Variants in GMDS observed in about 807,000 individuals in gnomAD.
GMDS encodes the protein GDP-mannose 4,6-dehydratase, also known as GDP-mannose 4,6 dehydratase.
A neutral mutation model predicts 49.9 loss-of-function variants in GMDS; 20 were observed. The observed-to-expected ratio is 0.40, with a 90% CI of 0.28 to 0.58. GMDS has a LOEUF of 0.58. Ranked by LOEUF, GMDS falls within the 20% of genes least tolerant of loss-of-function variation. The pLI is 0.42. For missense variants in GMDS, 362 were observed against 481.4 expected (o/e 0.75, Z 2.32); for synonymous variants, 177 against 178.6 (o/e 0.99, Z 0.07).
intron 4 of GMDS, among the ~76,000 whole-genome samples, chr6:2,103,546 T>G (rs1171945059): frequency 6.6e-6 from 1 of 152,184 alleles, no homozygotes; most frequent in Non-Finnish European, 1.5e-5. Flanking sequence ...CTAGTGGCAT[T>G]AAGAAGCCCT....
At chr6:1,733,441 C>CT (rs1766892220) in intron 8 of GMDS, among the ~76,000 whole-genome samples, 1 of 152,098 alleles carries the variant, frequency 6.6e-6, no homozygotes. Flanking sequence ...TTTGGCAGAA[C>CT]AGGGGGAGAG....
intron 4 of GMDS, among the ~76,000 whole-genome samples, chr6:2,091,736 A>T (rs1773319488): frequency 6.6e-6 from 1 of 151,964 alleles, no homozygotes; most frequent in South Asian, 2.1e-4. Flanking sequence ...TCTGCAAAGA[A>T]AAAAATTTTT....
intron 7 of GMDS, among the ~76,000 whole-genome samples, chr6:1,868,149 G>A (rs1758532519): frequency 6.6e-6 from 1 of 152,060 alleles, no homozygotes; most frequent in South Asian, 2.1e-4. Flanking sequence ...AGCACGCCTG[G>A]CTAATTTTTA....
intron 1 of GMDS, among the ~76,000 whole-genome samples, chr6:2,217,056 C>T (rs1465587434): frequency 6.6e-6 from 1 of 152,180 alleles, no homozygotes; most frequent in Non-Finnish European, 1.5e-5. Context: ...GCCCACCTGG[C>T]CTGAGCGCTC....
chr6:2,229,462 T>G (rs1780979570), intron 1 of GMDS, among the ~76,000 whole-genome samples: 1 of 150,674 alleles, frequency 6.6e-6, no homozygotes, highest in Admixed American at 6.6e-5. Flanking sequence ...GGCACACACC[T>G]GTGATCCTAG....
chr6:1,906,549 G>C (rs1344077885), intron 7 of GMDS, among the ~76,000 whole-genome samples: 2 of 152,130 alleles, frequency 1.3e-5, no homozygotes, highest in Non-Finnish European at 2.9e-5. Flanking sequence ...TGCACTCACT[G>C]ATTTTAGAAA....
chr6:1,732,429 C>G (rs1416952365), intron 8 of GMDS, among the ~76,000 whole-genome samples: 1 of 152,156 alleles, frequency 6.6e-6, no homozygotes, highest in African/African-American at 2.4e-5. Flanking sequence ...ATTGACTTGA[C>G]TCCAAAATTA....
At chr6:2,022,711 T>C (rs1463978360) in intron 4 of GMDS, among the ~76,000 whole-genome samples, 2 of 152,196 alleles carry the variant, frequency 1.3e-5, no homozygotes, top group African/African-American at 2.4e-5. Flanking sequence ...TTTCATTCTA[T>C]TGACTGCATA....
At chr6:1,963,761 C>G (rs1482818651) in intron 4 of GMDS, among the ~76,000 whole-genome samples, 1 of 152,122 alleles carries the variant, frequency 6.6e-6, no homozygotes, top group Non-Finnish European at 1.5e-5. Context: ...GGCTCTGGGA[C>G]CACTGGTAGT....
At chr6:2,002,666 A>T (rs750403885) in intron 4 of GMDS, among the ~76,000 whole-genome samples, 12 of 152,332 alleles carry the variant, frequency 7.9e-5, no homozygotes, top group Non-Finnish European at 1.2e-4. Flanking sequence ...TTCAAACCAC[A>T]TCAGAGATAA....
chr6:1,655,583 A>G (rs909036455), intron 9 of GMDS, among the ~76,000 whole-genome samples: 2 of 150,388 alleles, frequency 1.3e-5, no homozygotes, highest in African/African-American at 4.9e-5. Context: ...GGCTCTCTGC[A>G]GCCTCCGCCT....
At chr6:1,963,822 C>A (rs1013532760) in intron 4 of GMDS, among the ~76,000 whole-genome samples, 1 of 152,190 alleles carries the variant, frequency 6.6e-6, no homozygotes, top group Non-Finnish European at 1.5e-5. Flanking sequence ...GTTTCCTCAC[C>A]ACAGCAGGGC....
intron 7 of GMDS, among the ~76,000 whole-genome samples, chr6:1,874,579 C>G (rs1394841385): frequency 6.6e-6 from 1 of 152,120 alleles, no homozygotes; most frequent in African/African-American, 2.4e-5. Flanking sequence ...CTGTCGTTAT[C>G]CTGAGTATGC....
At chr6:1,980,262 A>C (rs974236698) in intron 4 of GMDS, among the ~76,000 whole-genome samples, 5 of 152,214 alleles carry the variant, frequency 3.3e-5, no homozygotes, top group Non-Finnish European at 7.3e-5. Flanking sequence ...CTGGATAAAA[A>C]AACAAGACCC....
chr6:1,834,215 T>C (rs1401136102), intron 7 of GMDS, among the ~76,000 whole-genome samples: 2 of 152,184 alleles, frequency 1.3e-5, no homozygotes, highest in African/African-American at 2.4e-5. Context: ...ATTCATTAAA[T>C]GTCCATTGAA....
chr6:1,700,617 C>T (rs1351770391), intron 9 of GMDS, among the ~76,000 whole-genome samples: 16 of 152,258 alleles, frequency 1.1e-4, no homozygotes, highest in Middle Eastern at 3.4e-3. Flanking sequence ...GAACCGAAGT[C>T]GGCCTGAATA....
At chr6:2,196,097 A>G (rs1479762391) in intron 1 of GMDS, among the ~76,000 whole-genome samples, 2 of 152,224 alleles carry the variant, frequency 1.3e-5, no homozygotes, top group African/African-American at 2.4e-5. Flanking sequence ...AACATTAGTA[A>G]CAGTTCAAAA....
intron 1 of GMDS, among the ~76,000 whole-genome samples, chr6:2,130,872 G>GT (rs1383567749): frequency 1.1e-4 from 17 of 152,022 alleles, no homozygotes; most frequent in African/African-American, 1.7e-4. Flanking sequence ...GTACAGACGT[G>GT]TTTTTTCATT....
At chr6:1,743,813 G>A (rs1461928123) in intron 7 of GMDS, among the ~76,000 whole-genome samples, 3 of 146,056 alleles carry the variant, frequency 2.1e-5, no homozygotes, top group African/African-American at 7.8e-5. Context: ...ACAGGAATAT[G>A]TCTCTTCAAA....
Sources: gnomAD v4.1 joint callset for allele counts (sites outside exome capture counted in the v4.1 genomes callset) on GRCh38, gnomAD v4.1.1 for gene constraint, MANE v1.5 for transcripts, NCBI Gene and HGNC (gene_info 2026-07-23, HGNC 2026-07-21) for gene names.